The following NMNAT2 variants were observed in gnomAD, a reference collection of about 807,000 sequenced individuals.
The protein encoded by NMNAT2 is nicotinamide/nicotinic acid mononucleotide adenylyltransferase 2.
NMNAT2 carries 11 observed loss-of-function variants against 41.6 expected under a neutral mutation model. That is an observed-to-expected ratio of 0.26 (90% CI 0.17 to 0.44). NMNAT2 has a LOEUF of 0.44. Among genes scored for constraint, NMNAT2 ranks in the 20% least tolerant of loss-of-function variants. The pLI, the probability that NMNAT2 is intolerant of heterozygous loss-of-function variation, is 1.00. For missense variants in NMNAT2, 288 were observed against 407.7 expected (o/e 0.71, Z 2.53); for synonymous variants, 148 against 151.2 (o/e 0.98, Z 0.16).
At chr1:183,304,786 C>T (rs1661958534) in intron 1 of NMNAT2, 2 of 1,612,624 alleles carry the variant, frequency 1.2e-6, no homozygotes, top group Admixed American at 1.7e-5. Context: ...CTGTGCTGGC[C>T]ATCAGAGAGT....
Position 183,252,711 on chromosome 1 carries a change from A to G in NMNAT2, c.854T>C (p.Val285Ala), listed in dbSNP as rs763506772. The change falls in exon 11 of 11, where the codon GTG (valine) becomes GCG (alanine). Residue 285 changes from valine (V) to alanine (A), a missense_variant. This residue lies in a region of NMNAT2 where 181 missense variants were observed against 213.7 expected (regional missense o/e 0.85). Transcript: ENST00000287713. Reference sequence around the variant, plus strand: ...GATGACCGGCTGGGACAGGTAATCCACAACATGGCCGTCCCCATGCTGCAG... The same window carrying G: ...GATGACCGGCTGGGACAGGTAATCCGCAACATGGCCGTCCCCATGCTGCAG... ...LALQHGDGHV[V>A]DYLSQPVIDY... 2 of 1,614,138 alleles carry G rather than the reference A, an allele frequency of 1.2e-6. No homozygotes were observed. The highest frequency in any genetic ancestry group is 3.3e-5 in the Admixed American group (2 of 60,030).
intron 1 of NMNAT2, among the ~76,000 whole-genome samples, chr1:183,394,565 C>A (rs968469990): frequency 1.3e-5 from 2 of 152,208 alleles, no homozygotes; most frequent in African/African-American, 4.8e-5. Flanking sequence ...TGAGAAAAGA[C>A]AATGGGGTAG....
intron 8 of NMNAT2, among the ~76,000 whole-genome samples, chr1:183,277,512 CA>C (rs759856572): frequency 0.094 from 4,509 of 47,872 alleles, 48 homozygotes; most frequent in East Asian, 0.24. Context: ...GACTCCGTCT[CA>C]AAAAAAAAAA....
intron 1 of NMNAT2, among the ~76,000 whole-genome samples, chr1:183,396,627 C>T (rs1327913452): frequency 6.6e-6 from 1 of 152,018 alleles, no homozygotes; most frequent in East Asian, 1.9e-4. Flanking sequence ...GACAGCCTGC[C>T]CCAAAATCAA....
rs116411909 is a variant in NMNAT2 at position 183,268,291 on chromosome 1, G to A, written c.652-6988C>T. 6.3e-3 allele frequency among the ~76,000 whole-genome samples: 960 copies of A among 152,278 alleles called. 18 individuals are homozygous for A. Among genetic ancestry groups the A allele is most frequent in the African/African-American group, 0.022 (913 of 41,548 alleles). On this transcript the variant is annotated intron_variant, in intron 8 of 10. Transcript: ENST00000287713. ...TGCCCTGCCTTGCTGGATTTAAAGG[G>A]ATGCTTTGAGTGGGTGGATGACTTG...
chr1:183,252,862 G>A (rs1660428009), intron 10 of NMNAT2, 119 bp from the exon 11 acceptor site: 2 of 718,824 alleles, frequency 2.8e-6, no homozygotes, highest in African/African-American at 1.7e-5. Flanking sequence ...TGAGTAAATA[G>A]TTCTGTATTA....
intron 1 of NMNAT2, among the ~76,000 whole-genome samples, chr1:183,355,281 C>T (rs1057379458): frequency 1.3e-5 from 2 of 152,126 alleles, no homozygotes; most frequent in Admixed American, 1.3e-4. Context: ...TCTTATTTTC[C>T]CCCCAGGGAA....
At chr1:183,306,933 A>T (rs560628760) in intron 1 of NMNAT2, among the ~76,000 whole-genome samples, 1 of 152,312 alleles carries the variant, frequency 6.6e-6, no homozygotes, top group East Asian at 1.9e-4. Flanking sequence ...GATAAACAGT[A>T]TAAGGAGTTT....
At chr1:183,368,279 C>G (rs1663456496) in intron 1 of NMNAT2, among the ~76,000 whole-genome samples, 1 of 152,054 alleles carries the variant, frequency 6.6e-6, no homozygotes, top group African/African-American at 2.4e-5. Context: ...CAGAGCAAGT[C>G]CCTGCAGAGT....
At chr1:183,408,129 A>C (rs930256071) in intron 1 of NMNAT2, among the ~76,000 whole-genome samples, 2 of 152,194 alleles carry the variant, frequency 1.3e-5, no homozygotes, top group Non-Finnish European at 2.9e-5. Context: ...CTTCAACAGC[A>C]CTTCCTATTT....
chr1:183,394,381 T>C (rs1437272638), intron 1 of NMNAT2, among the ~76,000 whole-genome samples: 3 of 152,188 alleles, frequency 2.0e-5, no homozygotes, highest in African/African-American at 7.2e-5. Flanking sequence ...AGCTTTCTAA[T>C]AAATGAAGCT....
chr1:183,353,567 G>A (rs994375802), intron 1 of NMNAT2, among the ~76,000 whole-genome samples: 2 of 152,232 alleles, frequency 1.3e-5, no homozygotes, highest in African/African-American at 4.8e-5. Flanking sequence ...TGTTTCTGGG[G>A]CCTCTATCCT....
chr1:183,387,106 T>A (rs889760371), intron 1 of NMNAT2, among the ~76,000 whole-genome samples: 6 of 151,150 alleles, frequency 4.0e-5, no homozygotes, highest in African/African-American at 1.5e-4. Context: ...ATGTATTAGT[T>A]TATATTTATA....
At chr1:183,413,770 C>T (rs140205156) in intron 1 of NMNAT2, among the ~76,000 whole-genome samples, 2,502 of 150,312 alleles carry the variant, frequency 0.017, 67 homozygotes, top group African/African-American at 0.058. Context: ...CCACGCCCAG[C>T]TAATTTTTTT....
chr1:183,393,708 A>G (rs901230634), intron 1 of NMNAT2, among the ~76,000 whole-genome samples: 1 of 152,060 alleles, frequency 6.6e-6, no homozygotes, highest in Non-Finnish European at 1.5e-5. Context: ...GGCACACACC[A>G]CCACGCCCGG....
intron 1 of NMNAT2, chr1:183,304,759 A>G (rs758096897): frequency 3.1e-6 from 5 of 1,613,670 alleles, no homozygotes; most frequent in Non-Finnish European, 4.2e-6. Context: ...TGGTTTTTGC[A>G]GCCACTACTT....
intron 1 of NMNAT2, among the ~76,000 whole-genome samples, chr1:183,404,539 T>G (rs1384807673): frequency 6.6e-6 from 1 of 152,156 alleles, no homozygotes; most frequent in East Asian, 1.9e-4. Flanking sequence ...ATCACTGATA[T>G]AGGAACATCT....
At chr1:183,301,281 A>G (rs924808674) in intron 1 of NMNAT2, among the ~76,000 whole-genome samples, 1 of 152,210 alleles carries the variant, frequency 6.6e-6, no homozygotes, top group Non-Finnish European at 1.5e-5. Flanking sequence ...GCAAGCGACT[A>G]AAGACAGGTG....
intron 1 of NMNAT2, among the ~76,000 whole-genome samples, chr1:183,373,449 C>T (rs1286652774): frequency 6.6e-6 from 1 of 152,098 alleles, no homozygotes; most frequent in East Asian, 1.9e-4. Context: ...CATGGGGCAG[C>T]ACTAGGCCTG....
Sources: gnomAD v4.1 joint callset for allele counts (sites outside exome capture counted in the v4.1 genomes callset) on GRCh38, gnomAD v4.1.1 for gene constraint, gnomAD v4.1.1 regional missense constraint, MANE v1.5 for transcripts, NCBI Gene and HGNC (gene_info 2026-07-23, HGNC 2026-07-21) for gene names.